C2CD3: variants seen among roughly 807,000 people sequenced by gnomAD.
C2CD3 encodes C2 domain-containing protein 3.
Under a neutral mutation model 234.0 loss-of-function variants are expected in C2CD3, and 148 were observed. That is an observed-to-expected ratio of 0.63 (90% CI 0.55 to 0.72). The LOEUF (loss-of-function observed/expected upper bound fraction) is 0.72. C2CD3 is among the 30% of genes least tolerant of loss of function. The probability of loss-of-function intolerance (pLI) is 0.00; values close to 1 mark genes in which losing one functional copy is unlikely to be tolerated. For missense variants in C2CD3, 2,577 were observed against 2,811.5 expected (o/e 0.92, Z 1.89); for synonymous variants, 1,000 against 1,035.4 (o/e 0.97, Z 0.66).
chr11:74,162,336 T>G (rs1393731981), intron 2 of C2CD3, among the ~76,000 whole-genome samples: 1 of 152,166 alleles, frequency 6.6e-6, no homozygotes, highest in East Asian at 1.9e-4. Flanking sequence ...AAAGAAATTA[T>G]GCAAAGAGCT....
Position 74,013,419 on chromosome 11 carries a change from C to T in C2CD3, c.7028G>A (p.Arg2343Gln), listed in dbSNP as rs181305959. 121 of 1,307,684 alleles carry T rather than the reference C, an allele frequency of 9.3e-5. 1 individual carries two copies. The East Asian group carries it at 2.6e-3, about 28-fold the overall frequency. The allele number at this position is 1,307,684 out of a possible 1,614,324, so 81.0% of individuals were successfully genotyped here. Residue 2343 changes from arginine (R) to glutamine (Q), a missense_variant, in exon 33 of 33, where the codon CGG becomes CAG. Physicochemically the swap from Arg to Gln is conservative, Grantham distance 43. Coordinates refer to ENST00000334126, the MANE Select transcript of C2CD3 (RefSeq NM_001286577.2). ...LPEEETLRIA[R>Q]IFSSQYSQKD The stretch of plus-strand genomic sequence containing the variant: ...CTGGGAGTACTGAGAAGAAAATATC[C>T]GTGCAATCCTGAGAGTTTCTTCCTC...
chr11:74,062,140 T>C (rs1456359005), intron 24 of C2CD3, among the ~76,000 whole-genome samples: 1 of 152,168 alleles, frequency 6.6e-6, no homozygotes, highest in Non-Finnish European at 1.5e-5. Flanking sequence ...CTTAGAGATC[T>C]ACAAAGAGAC....
At chr11:74,124,893 ATATT>A (rs1957356635) in intron 7 of C2CD3, among the ~76,000 whole-genome samples, 1 of 152,122 alleles carries the variant, frequency 6.6e-6, no homozygotes, top group African/African-American at 2.4e-5. Context: ...TTTGAAATTA[ATATT>A]TATTTGAATT....
intron 11 of C2CD3, 137 bp from the exon 12 acceptor site, chr11:74,109,289 A>G: frequency 1.7e-6 from 1 of 591,078 alleles, no homozygotes; most frequent in South Asian, 2.4e-5. Flanking sequence ...GTGCTTTCAC[A>G]GAAAGTGCTA....
chr11:74,064,365 G>T (rs1453974868), intron 24 of C2CD3, among the ~76,000 whole-genome samples: 2 of 152,054 alleles, frequency 1.3e-5, no homozygotes, highest in African/African-American at 4.8e-5. Context: ...AACTTACAAG[G>T]GATGTGAAGG....
intron 8 of C2CD3, among the ~76,000 whole-genome samples, chr11:74,120,192 T>C (rs944744961): frequency 2.0e-5 from 3 of 152,004 alleles, no homozygotes; most frequent in Non-Finnish European, 4.4e-5. Flanking sequence ...GTTTGTTACA[T>C]ATGTATACAT....
Position 74,093,819 on chromosome 11 carries a change from CA to C in C2CD3, c.3340del (p.Cys1114AlafsTer8). 6.2e-7 allele frequency: 1 copy of C among 1,613,494 alleles called. No individual in the cohort carries two copies. The highest frequency in any genetic ancestry group is 8.5e-7 in the Non-Finnish European group (1 of 1,179,632). Reference sequence around the variant, plus strand: ...GACTGGGGTCTCCACACTGTACCTGCACCAGATTTCAAACTGGACTCCACCT... The same window carrying C: ...GACTGGGGTCTCCACACTGTACCTGCCCAGATTTCAAACTGGACTCCACCT... ...PGGGVQFEIW[C>X]RYYYPNVRDQ... On this transcript the variant is annotated frameshift_variant, in exon 18 of 33. Coordinates refer to ENST00000334126, the MANE Select transcript of C2CD3 (RefSeq NM_001286577.2). LOFTEE classifies it high-confidence loss of function.
At chr11:74,085,104 G>A in intron 21 of C2CD3, 134 bp from the exon 22 acceptor site, 1 of 536,320 alleles carries the variant, frequency 1.9e-6, no homozygotes, top group South Asian at 2.6e-5. Flanking sequence ...AGATTATCTT[G>A]CTCTTGCTCA....
intron 31 of C2CD3, among the ~76,000 whole-genome samples, chr11:74,029,741 C>T (rs1952448638): frequency 6.6e-6 from 1 of 152,202 alleles, no homozygotes; most frequent in African/African-American, 2.4e-5. Flanking sequence ...CAGGCACTTT[C>T]TCCCACCAAC....
chr11:74,136,450 A>G (rs1195793201), intron 5 of C2CD3, among the ~76,000 whole-genome samples: 7 of 152,208 alleles, frequency 4.6e-5, no homozygotes, highest in Admixed American at 4.6e-4. Flanking sequence ...GCCTAGGTAA[A>G]CAATGAACCT....
chr11:74,095,052 T>G (rs560834592), intron 17 of C2CD3, among the ~76,000 whole-genome samples, 176 bp downstream of exon 17: 7 of 151,612 alleles, frequency 4.6e-5, no homozygotes, highest in Middle Eastern at 3.4e-3. Context: ...TGTATCAAAA[T>G]AAAAAGCTAC....
At chr11:74,126,739 G>T (rs1372839053) in intron 7 of C2CD3, among the ~76,000 whole-genome samples, 1 of 151,954 alleles carries the variant, frequency 6.6e-6, no homozygotes, top group Non-Finnish European at 1.5e-5. Context: ...GCAAAACTCT[G>T]TCTCAAAAAA....
At chr11:74,014,865 A>T (rs1951822149) in intron 32 of C2CD3, among the ~76,000 whole-genome samples, 1 of 152,168 alleles carries the variant, frequency 6.6e-6, no homozygotes, top group South Asian at 2.1e-4. Context: ...GTGCCAAGGG[A>T]ATGTCTACAA....
chr11:74,069,933 C>G (rs826036), intron 24 of C2CD3, among the ~76,000 whole-genome samples: 6,950 of 152,226 alleles, frequency 0.046, 464 homozygotes, highest in African/African-American at 0.15. Context: ...CAAACACAGA[C>G]AGATAATTAC....
chr11:74,032,707 T>A (rs893244419), intron 31 of C2CD3, among the ~76,000 whole-genome samples: 6 of 151,750 alleles, frequency 4.0e-5, no homozygotes, highest in African/African-American at 1.5e-4. Flanking sequence ...CCCCAACTCT[T>A]AAAAAAAATT....
chr11:74,027,574 A>G (rs572935915), intron 32 of C2CD3, among the ~76,000 whole-genome samples: 1 of 152,282 alleles, frequency 6.6e-6, no homozygotes, highest in South Asian at 2.1e-4. Flanking sequence ...TCTTTATCAC[A>G]GCACCTGGTA....
At chr11:74,044,812 G>C (rs1442298821) in intron 28 of C2CD3, among the ~76,000 whole-genome samples, 1 of 151,274 alleles carries the variant, frequency 6.6e-6, no homozygotes, top group African/African-American at 2.4e-5. Context: ...GTGGTATTTG[G>C]TTTTCTGTTC....
chr11:74,029,394 A>G (rs567844186), intron 31 of C2CD3, among the ~76,000 whole-genome samples: 3 of 152,384 alleles, frequency 2.0e-5, no homozygotes, highest in Admixed American at 1.3e-4. Context: ...GTCACCTAGC[A>G]TAGTACCTGG....
chr11:74,091,027 G>T, intron 19 of C2CD3, 91 bp from the exon 20 acceptor site: 1 of 1,318,944 alleles, frequency 7.6e-7, no homozygotes, highest in Non-Finnish European at 1.1e-6. Context: ...GATGGAAGAG[G>T]ATTAACACTA....
Sources: allele counts gnomAD v4.1 joint callset (sites outside exome capture counted in the v4.1 genomes callset), GRCh38; gene constraint gnomAD v4.1.1; transcripts MANE v1.5; gene names NCBI Gene and HGNC (gene_info 2026-07-23, HGNC 2026-07-21).